Variants in CPNE8 observed in about 807,000 individuals in gnomAD.
CPNE8 encodes copine-8.
A neutral mutation model predicts 81.5 loss-of-function variants in CPNE8; 45 were observed. The observed-to-expected ratio is 0.55, with a 90% CI of 0.44 to 0.71. The LOEUF (loss-of-function observed/expected upper bound fraction) is 0.71, where lower values mean the gene tolerates loss of function less well. Among genes scored for constraint, CPNE8 ranks in the 30% least tolerant of loss-of-function variants. CPNE8 has a pLI of 0.00. For missense variants in CPNE8, 594 were observed against 672.1 expected (o/e 0.88, Z 1.28); for synonymous variants, 252 against 226.3 (o/e 1.11, Z -1.02).
chr12:38,755,908 C>A (rs1051479896), intron 10 of CPNE8, among the ~76,000 whole-genome samples: 1 of 151,034 alleles, frequency 6.6e-6, no homozygotes, highest in African/African-American at 2.4e-5. Flanking sequence ...GGCGTAGTGG[C>A]GGGCGCCTGT....
intron 7 of CPNE8, 72 bp downstream of exon 7, chr12:38,776,166 A>T: frequency 1.5e-6 from 1 of 686,140 alleles, no homozygotes. Context: ...AAAATTAATT[A>T]GTTAAGTACA....
At chr12:38,844,539 G>A (rs889026344) in intron 4 of CPNE8, among the ~76,000 whole-genome samples, 3 of 151,934 alleles carry the variant, frequency 2.0e-5, no homozygotes, top group African/African-American at 7.3e-5. Flanking sequence ...AGATCAAAAA[G>A]GCAAGGGAAT....
At chr12:38,729,958 CTTCT>C (rs1374346431) in intron 11 of CPNE8, among the ~76,000 whole-genome samples, 1 of 59,204 alleles carries the variant, frequency 1.7e-5, no homozygotes, top group Non-Finnish European at 5.0e-5. Flanking sequence ...AAATGCTAAT[CTTCT>C]TCTTTATTAG....
At chr12:38,879,941 A>C (rs1364383922) in intron 1 of CPNE8, among the ~76,000 whole-genome samples, 2 of 152,238 alleles carry the variant, frequency 1.3e-5, no homozygotes, top group African/African-American at 2.4e-5. Context: ...GAAGTGAAAC[A>C]ACACATTAAA....
At chr12:38,699,366 G>A (rs1409071463) in intron 14 of CPNE8, among the ~76,000 whole-genome samples, 1 of 152,108 alleles carries the variant, frequency 6.6e-6, no homozygotes, top group Non-Finnish European at 1.5e-5. Flanking sequence ...CCTTTTGTTA[G>A]TTCATTGTGT....
intron 1 of CPNE8, among the ~76,000 whole-genome samples, chr12:38,882,839 A>G (rs958094279): frequency 2.0e-5 from 3 of 152,066 alleles, no homozygotes; most frequent in Non-Finnish European, 4.4e-5. Flanking sequence ...CAGTCCCTCA[A>G]ATGAATCCTG....
At chr12:38,862,218 T>A (rs1943846896) in intron 3 of CPNE8, among the ~76,000 whole-genome samples, 1 of 151,892 alleles carries the variant, frequency 6.6e-6, no homozygotes, top group Non-Finnish European at 1.5e-5. Context: ...CCTGACTGTG[T>A]AACTGTAGGT....
In CPNE8 at chr12:38,702,775, A is replaced by C. The variant is rs1939978837; in HGVS notation, c.961+100T>G. ...TAAATTTTATATGGAAAACTTCAGA[A>C]GTATGTAAATATAGAAATAAATTAA... On this transcript the variant is annotated intron_variant, in intron 14 of 19. Coordinates refer to ENST00000331366, the MANE Select transcript of CPNE8 (RefSeq NM_153634.3). 5 of 643,450 alleles carry C rather than the reference A, an allele frequency of 7.8e-6. No homozygotes were observed. The South Asian group carries it at 1.7e-4, about 22-fold the overall frequency. 39.9% of individuals were successfully genotyped at this position (643,450 alleles called of 1,614,324 possible). A position where few individuals can be genotyped will look rare whatever the true frequency, so the allele number is the denominator to read the frequency against.
intron 10 of CPNE8, among the ~76,000 whole-genome samples, chr12:38,741,480 G>A (rs1941103552): frequency 6.6e-6 from 1 of 152,166 alleles, no homozygotes; most frequent in Non-Finnish European, 1.5e-5. Context: ...CTAGCCATAT[G>A]TAGAAAGCTG....
At chr12:38,784,182 C>T (rs78544276) in intron 6 of CPNE8, among the ~76,000 whole-genome samples, 1 of 152,116 alleles carries the variant, frequency 6.6e-6, no homozygotes, top group Admixed American at 6.5e-5. Context: ...AATTTAAAAG[C>T]ATCAAACAAA....
chr12:38,851,583 C>T (rs1215556733), intron 3 of CPNE8, among the ~76,000 whole-genome samples: 3 of 152,202 alleles, frequency 2.0e-5, no homozygotes, highest in African/African-American at 7.2e-5. Context: ...TAGCTCCCAT[C>T]ATCAGCCTAA....
intron 13 of CPNE8, among the ~76,000 whole-genome samples, chr12:38,705,970 G>A (rs1940097429): frequency 6.6e-6 from 1 of 151,946 alleles, no homozygotes. Flanking sequence ...ATAATGTGAT[G>A]TTACATGGCT....
chr12:38,716,656 A>G (rs928881930), intron 13 of CPNE8, among the ~76,000 whole-genome samples: 2 of 152,130 alleles, frequency 1.3e-5, no homozygotes, highest in African/African-American at 4.8e-5. Context: ...TGGATCAAAG[A>G]CTTAAATTGA....
At chr12:38,859,522 T>C (rs2137077359) in intron 3 of CPNE8, among the ~76,000 whole-genome samples, 1 of 152,256 alleles carries the variant, frequency 6.6e-6, no homozygotes, top group Middle Eastern at 3.4e-3. Flanking sequence ...TTTGATTGAA[T>C]GCAATAATTA....
At chr12:38,707,474 T>TA (rs1940136014) in intron 13 of CPNE8, among the ~76,000 whole-genome samples, 1 of 149,646 alleles carries the variant, frequency 6.7e-6, no homozygotes, top group Admixed American at 6.7e-5. Flanking sequence ...GGAAGGAAGG[T>TA]AAGAAGGAAG....
chr12:38,677,900 T>C (rs1036266426), intron 16 of CPNE8, among the ~76,000 whole-genome samples: 3 of 152,066 alleles, frequency 2.0e-5, no homozygotes, highest in Non-Finnish European at 4.4e-5. Flanking sequence ...TGATCTTCAG[T>C]AAATTACCTA....
intron 3 of CPNE8, among the ~76,000 whole-genome samples, chr12:38,867,370 C>CAG (rs144239792): frequency 4.4e-5 from 5 of 112,440 alleles, no homozygotes; most frequent in Non-Finnish European, 9.4e-5. Flanking sequence ...GAGAGAGAGA[C>CAG]AGAGAGAGAG....
At chr12:38,714,902 A>G (rs1261723068) in intron 13 of CPNE8, among the ~76,000 whole-genome samples, 1 of 152,246 alleles carries the variant, frequency 6.6e-6, no homozygotes, top group African/African-American at 2.4e-5. Context: ...AGTGTATAAT[A>G]TTGAATACTA....
At chr12:38,865,620 C>G (rs1456833683) in intron 3 of CPNE8, among the ~76,000 whole-genome samples, 2 of 152,114 alleles carry the variant, frequency 1.3e-5, no homozygotes, top group African/African-American at 4.8e-5. Flanking sequence ...AGGGAGGGAG[C>G]ACAATCAAAA....
Sources: gnomAD v4.1 joint callset for allele counts (sites outside exome capture counted in the v4.1 genomes callset) on GRCh38, gnomAD v4.1.1 for gene constraint, MANE v1.5 for transcripts, NCBI Gene and HGNC (gene_info 2026-07-23, HGNC 2026-07-21) for gene names.